Variants in MSH4 observed in about 807,000 individuals in gnomAD.
MSH4 encodes mutS homolog 4, also known as mutS protein homolog 4.
In MSH4, 106 loss-of-function variants were observed where a neutral mutation model predicts 113.7. That is an observed-to-expected ratio of 0.93 (90% CI 0.80 to 1.10). The LOEUF (loss-of-function observed/expected upper bound fraction) is 1.10. Among genes scored for constraint, MSH4 ranks in the 50% least tolerant of loss-of-function variants. The probability of loss-of-function intolerance (pLI) is 0.00; values close to 1 mark genes in which losing one functional copy is unlikely to be tolerated. For missense variants in MSH4, 1,061 were observed against 1,093.7 expected (o/e 0.97, Z 0.42); for synonymous variants, 368 against 380.2 (o/e 0.97, Z 0.37).
At chr1:75,869,000 G>C (rs916250572) in intron 9 of MSH4, among the ~76,000 whole-genome samples, 3 of 152,198 alleles carry the variant, frequency 2.0e-5, no homozygotes, top group Admixed American at 6.5e-5. Flanking sequence ...TTTGGAACTG[G>C]GTAACAGGCA....
intron 1 of MSH4, among the ~76,000 whole-genome samples, chr1:75,798,807 C>T (rs1434176664): frequency 6.6e-6 from 1 of 152,130 alleles, no homozygotes; most frequent in Non-Finnish European, 1.5e-5. Flanking sequence ...ATCCTCCTAC[C>T]TCAGCCTCCC....
At chr1:75,847,300 C>T (rs1244191610) in intron 7 of MSH4, among the ~76,000 whole-genome samples, 1 of 152,184 alleles carries the variant, frequency 6.6e-6, no homozygotes, top group Non-Finnish European at 1.5e-5. Flanking sequence ...TCTCACAACA[C>T]ACCTGGGAGG....
chr1:75,805,428 C>T (rs1650039151), intron 2 of MSH4, among the ~76,000 whole-genome samples: 1 of 148,458 alleles, frequency 6.7e-6, no homozygotes, highest in Non-Finnish European at 1.5e-5. Flanking sequence ...TGTTCTATTG[C>T]CCAGGCTGGA....
chr1:75,900,026 T>C (rs1652473865), intron 19 of MSH4, among the ~76,000 whole-genome samples: 1 of 151,812 alleles, frequency 6.6e-6, no homozygotes, highest in Non-Finnish European at 1.5e-5. Flanking sequence ...AAAATGAAAA[T>C]CACTATGCAC....
intron 13 of MSH4, 70 bp downstream of exon 13, chr1:75,880,223 T>C: frequency 1.3e-6 from 1 of 796,322 alleles, no homozygotes. Context: ...ACAATTGTAT[T>C]AGTTTAATTT....
At chr1:75,837,277 T>C (rs1650851366) in intron 7 of MSH4, among the ~76,000 whole-genome samples, 1 of 152,158 alleles carries the variant, frequency 6.6e-6, no homozygotes, top group Admixed American at 6.6e-5. Context: ...ATTTCTCTTG[T>C]TTATAAGCCA....
intron 7 of MSH4, among the ~76,000 whole-genome samples, chr1:75,846,109 C>CAATGCCAGAATTAAGGAAGCATT (rs1651071059): frequency 6.6e-6 from 1 of 151,976 alleles, no homozygotes; most frequent in Non-Finnish European, 1.5e-5. Context: ...TTCCAAGGTG[C>CAATGCCAGAATTAAGGAAGCATT]TGCAGGGCAG....
At chr1:75,800,064 A>T (rs1159213184) in intron 1 of MSH4, among the ~76,000 whole-genome samples, 1 of 152,156 alleles carries the variant, frequency 6.6e-6, no homozygotes, top group Non-Finnish European at 1.5e-5. Flanking sequence ...GTAGGAGGAG[A>T]ATTAAGACAA....
At position 75,880,176 on chromosome 1, in the gene MSH4, A is replaced by C. The variant is rs752060757; in HGVS notation, c.1781+23A>C. The C allele has an allele frequency of 7.9e-6, 10 of 1,258,248 alleles. No individual in the cohort carries two copies. The East Asian group carries it at 1.9e-4, about 24-fold the overall frequency. The allele number at this position is 1,258,248 out of a possible 1,614,324, so 77.9% of individuals were successfully genotyped here. A position where few individuals can be genotyped will look rare whatever the true frequency, so the allele number is the denominator to read the frequency against. ...TATGTAAGAGCATTTGAAGTATTTG[A>C]ATATTGAATTAAATTGGTTTAATTT... On this transcript the variant is annotated intron_variant, in intron 13 of 19. Coordinates refer to ENST00000263187, the MANE Select transcript of MSH4 (RefSeq NM_002440.4).
At chr1:75,800,592 A>T (rs1181339204) in intron 1 of MSH4, among the ~76,000 whole-genome samples, 1 of 150,434 alleles carries the variant, frequency 6.6e-6, no homozygotes, top group African/African-American at 2.5e-5. Context: ...TAGTGATGTT[A>T]AAAAAAAAGA....
chr1:75,889,523 T>C (rs2100581951), intron 16 of MSH4, among the ~76,000 whole-genome samples, 154 bp downstream of exon 16: 1 of 152,302 alleles, frequency 6.6e-6, no homozygotes, highest in Non-Finnish European at 1.5e-5. Flanking sequence ...TCCTAATTTC[T>C]GTTTTATGTG....
intron 4 of MSH4, among the ~76,000 whole-genome samples, chr1:75,814,324 A>G (rs1650250800): frequency 6.7e-6 from 1 of 149,748 alleles, no homozygotes; most frequent in East Asian, 2.0e-4. Flanking sequence ...AATTAGCCAG[A>G]TGTAATGGTG....
Position 75,883,658 on chromosome 1 carries a change from G to A in MSH4, c.1944G>A (p.Gln648=). 6.2e-7 allele frequency: 1 copy of A among 1,612,996 alleles called. No individual in the cohort carries two copies. The highest frequency in any genetic ancestry group is 1.3e-5 in the African/African-American group (1 of 74,894). ...PEFTDTLAIK[Q]GWHPILEKIS... ...TTACTGATACTTTAGCAATCAAACAGGGATGGCATCCTATTCTTGAAAAAA... is the reference window on the plus strand; with the variant it reads ...TTACTGATACTTTAGCAATCAAACAAGGATGGCATCCTATTCTTGAAAAAA... The change falls in exon 15 of 20, where the codon CAG becomes CAA. Residue 648 remains glutamine, a synonymous_variant. Coordinates refer to ENST00000263187, the MANE Select transcript of MSH4 (RefSeq NM_002440.4).
At chr1:75,887,884 A>G (rs538422145) in intron 15 of MSH4, among the ~76,000 whole-genome samples, 2 of 151,858 alleles carry the variant, frequency 1.3e-5, no homozygotes, top group African/African-American at 4.8e-5. Context: ...TTCAGCAAAC[A>G]TTTATCATGA....
intron 8 of MSH4, among the ~76,000 whole-genome samples, chr1:75,863,244 A>G (rs1006227544): frequency 6.6e-6 from 1 of 152,136 alleles, no homozygotes; most frequent in South Asian, 2.1e-4. Context: ...TCTGATCCAA[A>G]AGAATTTATA....
intron 6 of MSH4, among the ~76,000 whole-genome samples, chr1:75,818,578 T>C (rs1301527638): frequency 6.6e-6 from 1 of 152,226 alleles, no homozygotes; most frequent in African/African-American, 2.4e-5. Flanking sequence ...CTAAGTATCA[T>C]TTTATGTTAG....
chr1:75,819,174 G>T (rs1407166453), intron 6 of MSH4, among the ~76,000 whole-genome samples: 1 of 152,006 alleles, frequency 6.6e-6, no homozygotes, highest in Non-Finnish European at 1.5e-5. Context: ...CTTGTCTTCA[G>T]TCACGGCCAG....
intron 3 of MSH4, 150 bp from the exon 4 acceptor site, chr1:75,810,547 G>T: frequency 2.7e-6 from 1 of 370,632 alleles, no homozygotes; most frequent in Non-Finnish European, 4.7e-6. Context: ...GAACCCACCT[G>T]GCTAGAAACA....
chr1:75,883,511 CA>C (rs1478865845), intron 14 of MSH4, 109 bp from the exon 15 acceptor site: 5 of 834,352 alleles, frequency 6.0e-6, no homozygotes, highest in Non-Finnish European at 9.1e-6. Context: ...GTTATTATTC[CA>C]AATTGACCAG....
Sources: gnomAD v4.1 joint callset for allele counts (sites outside exome capture counted in the v4.1 genomes callset) on GRCh38, gnomAD v4.1.1 for gene constraint, MANE v1.5 for transcripts, NCBI Gene and HGNC (gene_info 2026-07-23, HGNC 2026-07-21) for gene names.